Variants in MTUS2 observed in about 807,000 individuals in gnomAD.
MTUS2 encodes microtubule associated scaffold protein 2.
Under a neutral mutation model 114.1 loss-of-function variants are expected in MTUS2, and 40 were observed. That is an observed-to-expected ratio of 0.35 (90% CI 0.27 to 0.46). The LOEUF (loss-of-function observed/expected upper bound fraction) is 0.46. Among genes scored for constraint, MTUS2 ranks in the 20% least tolerant of loss-of-function variants. MTUS2 has a pLI of 1.00. For synonymous variants in MTUS2, 688 were observed against 672.0 expected (o/e 1.02, Z -0.37); for missense variants, 1,679 against 1,705.4 (o/e 0.98, Z 0.27).
intron 2 of MTUS2, among the ~76,000 whole-genome samples, chr13:28,906,591 C>A (rs1005531423): frequency 2.6e-5 from 4 of 151,568 alleles, no homozygotes; most frequent in Non-Finnish European, 4.4e-5. Flanking sequence ...ATCCTGAGTT[C>A]TAGTTTGATT....
intron 5 of MTUS2, among the ~76,000 whole-genome samples, chr13:29,222,756 A>G (rs1320493750): frequency 6.6e-6 from 1 of 152,190 alleles, no homozygotes; most frequent in African/African-American, 2.4e-5. Flanking sequence ...CAGGCCCAGG[A>G]AGACTCCCTT....
chr13:28,834,811 T>C (rs561904660), intron 1 of MTUS2, among the ~76,000 whole-genome samples: 49 of 152,254 alleles, frequency 3.2e-4, no homozygotes, highest in African/African-American at 1.2e-3. Context: ...ATAAAAATGA[T>C]TTCATTCAGC....
intron 4 of MTUS2, among the ~76,000 whole-genome samples, chr13:29,066,096 TG>T (rs1888654538): frequency 6.6e-6 from 1 of 152,198 alleles, no homozygotes; most frequent in Non-Finnish European, 1.5e-5. Flanking sequence ...TCTTCTAGAA[TG>T]TACTTCAACT....
chr13:28,900,527 ATG>A (rs1325798015), intron 2 of MTUS2, among the ~76,000 whole-genome samples: 4 of 152,230 alleles, frequency 2.6e-5, no homozygotes, highest in African/African-American at 9.6e-5. Flanking sequence ...GACAAAATAA[ATG>A]TAACAATACA....
At chr13:29,255,412 C>T (rs1284376673) in intron 5 of MTUS2, among the ~76,000 whole-genome samples, 2 of 152,162 alleles carry the variant, frequency 1.3e-5, no homozygotes, top group South Asian at 4.1e-4. Context: ...ACTATTTACA[C>T]ACAAAACTAA....
chr13:29,173,866 T>C (rs1233689459), intron 5 of MTUS2, among the ~76,000 whole-genome samples: 3 of 152,184 alleles, frequency 2.0e-5, no homozygotes, highest in African/African-American at 4.8e-5. Flanking sequence ...CCTTCTAGGC[T>C]TAAACTTAGA....
intron 7 of MTUS2, among the ~76,000 whole-genome samples, chr13:29,325,564 A>G (rs201217998): frequency 1.5e-4 from 4 of 25,882 alleles, no homozygotes; most frequent in East Asian, 3.1e-3. Flanking sequence ...AAGAGGAAGA[A>G]GAAGAAGAGG....
In MTUS2 at chr13:29,101,023, C is replaced by G. The variant is rs1002858034; in HGVS notation, c.2644+53C>G. The G allele has an allele frequency of 4.1e-6, 6 of 1,464,042 alleles. No individual in the cohort carries two copies. The African/African-American group carries it at 7.1e-5, about 17-fold the overall frequency. 90.7% of individuals were successfully genotyped at this position (1,464,042 alleles called of 1,614,324 possible). The stretch of plus-strand genomic sequence containing the variant: ...CCTTCACTGAATTAAAACCGGCGCG[C>G]CTGTGTAACTGTGTGTCATTTTCTT... On this transcript the variant is annotated intron_variant, in intron 5 of 15. Transcript: ENST00000612955.
chr13:29,244,955 CAAAAAAAAAAAAA>C (rs56095961), intron 5 of MTUS2, among the ~76,000 whole-genome samples: 4 of 60,522 alleles, frequency 6.6e-5, no homozygotes, highest in East Asian at 6.2e-4. Context: ...GACTCCGTCT[CAAAAAAAAAAAAA>C]AAAAAAAAAA....
intron 2 of MTUS2, among the ~76,000 whole-genome samples, chr13:28,990,036 G>A (rs1175588422): frequency 1.3e-5 from 2 of 152,150 alleles, no homozygotes; most frequent in African/African-American, 4.8e-5. Context: ...GGAATCTTCG[G>A]CTGCCTGGGA....
At chr13:29,163,657 G>C (rs186936912) in intron 5 of MTUS2, among the ~76,000 whole-genome samples, 13 of 152,188 alleles carry the variant, frequency 8.5e-5, no homozygotes, top group African/African-American at 2.6e-4. Context: ...CCTACAGTTT[G>C]ACTTCATTTC....
intron 8 of MTUS2, among the ~76,000 whole-genome samples, chr13:29,375,128 A>T (rs78306067): frequency 6.6e-5 from 10 of 152,132 alleles, no homozygotes; most frequent in African/African-American, 2.4e-4. Context: ...GGTTTTTGCC[A>T]TTACTTTTAA....
At chr13:29,350,510 A>G (rs1869140898) in intron 7 of MTUS2, among the ~76,000 whole-genome samples, 2 of 151,742 alleles carry the variant, frequency 1.3e-5, no homozygotes, top group African/African-American at 4.8e-5. Context: ...AGTTGGAGAA[A>G]ACCCTGCTTT....
intron 4 of MTUS2, among the ~76,000 whole-genome samples, chr13:29,041,186 C>A (rs1349008130): frequency 6.6e-6 from 1 of 152,132 alleles, no homozygotes; most frequent in Non-Finnish European, 1.5e-5. Context: ...TATCCCAGCA[C>A]CATTTGTTGA....
intron 7 of MTUS2, among the ~76,000 whole-genome samples, chr13:29,357,154 ATT>A: frequency 6.7e-6 from 1 of 149,808 alleles, no homozygotes; most frequent in East Asian, 2.0e-4. Flanking sequence ...TCCATTTACC[ATT>A]GAGTATAATT....
At chr13:29,491,680 GGTGT>G (rs1299927017) in intron 11 of MTUS2, among the ~76,000 whole-genome samples, 1 of 145,110 alleles carries the variant, frequency 6.9e-6, no homozygotes, top group Non-Finnish European at 1.5e-5. Context: ...GATTGTGTGT[GGTGT>G]GTGTGGAGTG....
intron 8 of MTUS2, among the ~76,000 whole-genome samples, chr13:29,427,663 C>T (rs1006540550): frequency 2.6e-5 from 4 of 152,144 alleles, no homozygotes; most frequent in African/African-American, 9.7e-5. Flanking sequence ...TTTCTCTGAG[C>T]CTATACTACT....
chr13:29,344,150 T>C (rs544065044), intron 7 of MTUS2, among the ~76,000 whole-genome samples: 17 of 152,276 alleles, frequency 1.1e-4, no homozygotes, highest in African/African-American at 4.1e-4. Flanking sequence ...GTTCTGTAAA[T>C]ATCTGTTAAG....
At chr13:29,235,701 C>G (rs949371774) in intron 5 of MTUS2, among the ~76,000 whole-genome samples, 1 of 151,894 alleles carries the variant, frequency 6.6e-6, no homozygotes. Flanking sequence ...AATTAACAGA[C>G]TTCTATGATT....
Sources: gnomAD v4.1 joint callset for allele counts (sites outside exome capture counted in the v4.1 genomes callset) on GRCh38, gnomAD v4.1.1 for gene constraint, MANE v1.5 for transcripts, NCBI Gene and HGNC (gene_info 2026-07-23, HGNC 2026-07-21) for gene names.